NTRK3: variants seen among roughly 807,000 people sequenced by gnomAD.
NTRK3 encodes the protein neurotrophic receptor tyrosine kinase 3.
In NTRK3, 24 loss-of-function variants were observed where a neutral mutation model predicts 91.7. That is an observed-to-expected ratio of 0.26 (90% CI 0.19 to 0.37). The LOEUF (loss-of-function observed/expected upper bound fraction) is 0.37. Among genes scored for constraint, NTRK3 ranks in the 10% least tolerant of loss-of-function variants. The probability of loss-of-function intolerance (pLI) is 1.00; values close to 1 mark genes in which losing one functional copy is unlikely to be tolerated. For missense variants in NTRK3, 880 were observed against 1,068.9 expected (o/e 0.82, Z 2.46); for synonymous variants, 483 against 404.0 (o/e 1.20, Z -2.34).
chr15:88,036,310 G>A (rs2079065383), intron 13 of NTRK3, among the ~76,000 whole-genome samples: 1 of 151,774 alleles, frequency 6.6e-6, no homozygotes, highest in South Asian at 2.1e-4. Context: ...TAAAGGAACA[G>A]CAATCAGAAA....
At chr15:88,044,065 A>ATCACTTGTTGACCAACACTGG (rs1427159473) in intron 13 of NTRK3, among the ~76,000 whole-genome samples, 1 of 152,052 alleles carries the variant, frequency 6.6e-6, no homozygotes, top group Admixed American at 6.6e-5. Context: ...AAGGTCTGCT[A>ATCACTTGTTGACCAACACTGG]TCACTTGTTG....
At chr15:88,068,012 A>G (rs749286834) in intron 13 of NTRK3, among the ~76,000 whole-genome samples, 1 of 152,216 alleles carries the variant, frequency 6.6e-6, no homozygotes, top group Non-Finnish European at 1.5e-5. Context: ...AAAGAGAATT[A>G]CCTACATGTA....
chr15:88,137,359 G>A (rs759537230), intron 7 of NTRK3, 45 bp downstream of exon 7: 8 of 1,607,864 alleles, frequency 5.0e-6, no homozygotes, highest in African/African-American at 4.0e-5. Context: ...GGTGTCTGAG[G>A]GATGCCTCCC....
At chr15:88,216,732 A>C (rs886545404) in intron 3 of NTRK3, among the ~76,000 whole-genome samples, 25 of 152,170 alleles carry the variant, frequency 1.6e-4, no homozygotes, top group Non-Finnish European at 2.9e-4. Flanking sequence ...CACTCCTCTT[A>C]GGGGAGCCCA....
At chr15:87,950,420 T>C (rs1481270725) in intron 14 of NTRK3, among the ~76,000 whole-genome samples, 1 of 152,050 alleles carries the variant, frequency 6.6e-6, no homozygotes, top group Non-Finnish European at 1.5e-5. Flanking sequence ...CATCATTTGG[T>C]CTATAAAAGA....
intron 12 of NTRK3, 25 bp downstream of exon 12, chr15:88,127,137 T>A (rs940504637): frequency 3.1e-6 from 5 of 1,601,092 alleles, no homozygotes; most frequent in African/African-American, 1.3e-5. Context: ...GTCAACACAC[T>A]CCTCTTGACC....
At chr15:88,010,819 T>C (rs988453716) in intron 14 of NTRK3, among the ~76,000 whole-genome samples, 1 of 151,982 alleles carries the variant, frequency 6.6e-6, no homozygotes, top group African/African-American at 2.4e-5. Context: ...GCCGGGCTAA[T>C]TGTACCACTC....
At chr15:87,952,891 A>C (rs1596380338) in intron 14 of NTRK3, among the ~76,000 whole-genome samples, 3 of 139,778 alleles carry the variant, frequency 2.1e-5, no homozygotes, top group Admixed American at 7.3e-5. Flanking sequence ...TCTGGCCCTC[A>C]CCCTGTATCT....
At chr15:88,123,708 G>A (rs1182662484) in intron 13 of NTRK3, among the ~76,000 whole-genome samples, 1 of 152,166 alleles carries the variant, frequency 6.6e-6, no homozygotes, top group East Asian at 1.9e-4. Context: ...GACCAGAAAG[G>A]CAGGACAACT....
chr15:88,231,433 C>T (rs548488868), intron 3 of NTRK3, among the ~76,000 whole-genome samples: 6 of 151,762 alleles, frequency 4.0e-5, no homozygotes, highest in South Asian at 2.1e-4. Flanking sequence ...TTTCTTGAAA[C>T]GCAGATTAAA....
chr15:88,064,914 C>G (rs933128159), intron 13 of NTRK3, among the ~76,000 whole-genome samples: 2 of 152,192 alleles, frequency 1.3e-5, no homozygotes, highest in Admixed American at 6.5e-5. Context: ...AAGAATAATA[C>G]TTTCAGACTG....
intron 13 of NTRK3, among the ~76,000 whole-genome samples, chr15:88,049,865 A>G (rs530659982): frequency 6.6e-6 from 1 of 152,370 alleles, no homozygotes; most frequent in Non-Finnish European, 1.5e-5. Context: ...ATGATTATGC[A>G]TCTCTGCATC....
intron 3 of NTRK3, among the ~76,000 whole-genome samples, chr15:88,230,391 T>C (rs2051077948): frequency 1.3e-5 from 2 of 152,326 alleles, no homozygotes; most frequent in South Asian, 2.1e-4. Flanking sequence ...GTTCTCATTT[T>C]GGATTCAGAG....
Position 88,255,784 on chromosome 15 carries a change from C to T in NTRK3, c.248+122G>A. 4 of 787,230 alleles carry T rather than the reference C, an allele frequency of 5.1e-6. No individual in the cohort carries two copies. In the South Asian group the frequency reaches 1.1e-4, roughly 21 times the overall value. The allele number at this position is 787,230 out of a possible 1,614,324, so 48.8% of individuals were successfully genotyped here. A position where few individuals can be genotyped will look rare whatever the true frequency, so the allele number is the denominator to read the frequency against. ...CGAGCCAGAGCGAGCCTGACGCGCG[C>T]CCAGCGGGCGGCGGGCAGCGGCGAG... is the stretch of plus-strand genomic sequence containing the variant. On this transcript the variant is annotated intron_variant, in intron 3 of 18. Transcript: ENST00000394480. This position sits in a 1 kb window ranked among gnomAD's most constrained non-coding sequence, Gnocchi z 4.3.
intron 13 of NTRK3, among the ~76,000 whole-genome samples, chr15:88,101,595 T>G (rs940460661): frequency 1.3e-5 from 2 of 152,160 alleles, no homozygotes; most frequent in Non-Finnish European, 2.9e-5. Context: ...CTATTCACAA[T>G]AGCAAAGACT....
chr15:87,883,205 GA>G (rs1399704570), intron 17 of NTRK3, among the ~76,000 whole-genome samples: 1 of 149,494 alleles, frequency 6.7e-6, no homozygotes, highest in African/African-American at 2.4e-5. Context: ...ATATATATGT[GA>G]AAAAAAGGAT....
At chr15:88,206,678 C>A (rs60973063) in intron 3 of NTRK3, among the ~76,000 whole-genome samples, 11,033 of 69,104 alleles carry the variant, frequency 0.16, 1,024 homozygotes, top group African/African-American at 0.23. Flanking sequence ...AAAAAAAAAA[C>A]AAACCTCTCC....
intron 14 of NTRK3, among the ~76,000 whole-genome samples, chr15:87,963,125 AGGAGAATCCACTGGATACCTGCTTG>A (rs1174606775): frequency 1.3e-5 from 2 of 152,152 alleles, no homozygotes; most frequent in Non-Finnish European, 2.9e-5. Context: ...GCTGTCCCTC[AGGAGAATCCACTGGATACCTGCTTG>A]GGGGAATCCA....
intron 15 of NTRK3, among the ~76,000 whole-genome samples, chr15:87,939,004 A>T (rs1198649811): frequency 6.6e-6 from 1 of 152,194 alleles, no homozygotes; most frequent in Non-Finnish European, 1.5e-5. Context: ...TAATAAAAAA[A>T]GTTATTGGAA....
Sources: gnomAD v4.1 joint callset for allele counts (sites outside exome capture counted in the v4.1 genomes callset) on GRCh38, gnomAD v4.1.1 for gene constraint, Gnocchi (gnomAD v3.1) non-coding constraint, MANE v1.5 for transcripts, NCBI Gene and HGNC (gene_info 2026-07-23, HGNC 2026-07-21) for gene names.